GPHN: variants seen among roughly 807,000 people sequenced by gnomAD.
The protein encoded by GPHN is gephyrin.
Under a neutral mutation model 95.5 loss-of-function variants are expected in GPHN, and 17 were observed. That is an observed-to-expected ratio of 0.18 (90% CI 0.12 to 0.27). The LOEUF is 0.27. GPHN is among the 10% of genes least tolerant of loss of function. The probability of loss-of-function intolerance (pLI) is 1.00; values close to 1 mark genes in which losing one functional copy is unlikely to be tolerated. For missense variants in GPHN, 660 were observed against 978.1 expected, an observed-to-expected ratio of 0.67 and a Z score of 4.34; for synonymous variants, 320 against 322.5, an observed-to-expected ratio of 0.99 and a Z score of 0.08.
chr14:66,862,531 A>G (rs2063068123), intron 4 of GPHN, among the ~76,000 whole-genome samples: 1 of 151,988 alleles, frequency 6.6e-6, no homozygotes, highest in South Asian at 2.1e-4. Context: ...GACATGTAAG[A>G]AAGAAAAGAA....
chr14:67,256,990 G>T, the GPHN span, among the ~76,000 whole-genome samples: 1 of 152,158 alleles, frequency 6.6e-6, no homozygotes, highest in African/African-American at 2.4e-5. Flanking sequence ...CTGACGACAG[G>T]TGCCCAAGGT....
intron 3 of GPHN, among the ~76,000 whole-genome samples, chr14:66,808,489 C>G (rs1399717629): frequency 6.6e-6 from 1 of 152,150 alleles, no homozygotes; most frequent in African/African-American, 2.4e-5. Context: ...AACATAAATT[C>G]TGTATCAAAT....
the GPHN span, among the ~76,000 whole-genome samples, chr14:67,518,599 T>C: frequency 6.6e-6 from 1 of 152,340 alleles, no homozygotes; most frequent in Middle Eastern, 3.4e-3. Flanking sequence ...ATCTCTAAAG[T>C]TCCTTGAACA....
intron 1 of GPHN, among the ~76,000 whole-genome samples, chr14:66,649,346 A>C (rs1187389823): frequency 2.0e-5 from 3 of 151,870 alleles, no homozygotes; most frequent in East Asian, 3.9e-4. Context: ...AAAAAAAAAA[A>C]CAAAAACAAG....
chr14:67,329,401 T>A, the GPHN span, among the ~76,000 whole-genome samples: 206 of 152,350 alleles, frequency 1.4e-3, no homozygotes, highest in African/African-American at 4.4e-3. Context: ...GTTTTCTACA[T>A]GTACAATCAT....
intron 1 of GPHN, among the ~76,000 whole-genome samples, chr14:66,533,510 A>G (rs928899674): frequency 1.3e-5 from 2 of 152,232 alleles, no homozygotes; most frequent in South Asian, 2.1e-4. Context: ...CCGTGGGTGC[A>G]CAGAGGAAGG....
At chr14:66,722,502 G>A (rs117679425) in intron 2 of GPHN, among the ~76,000 whole-genome samples, 2,918 of 152,216 alleles carry the variant, frequency 0.019, 47 homozygotes, top group Middle Eastern at 0.061. Flanking sequence ...GGAGTGCAGT[G>A]TAGCTATCAT....
chr14:67,289,887 C>G, the GPHN span, among the ~76,000 whole-genome samples: 11 of 151,554 alleles, frequency 7.3e-5, no homozygotes, highest in Admixed American at 2.0e-4. Flanking sequence ...TCTCCTGCCT[C>G]AGCCTCTCGA....
At chr14:66,566,073 A>G (rs1392450478) in intron 1 of GPHN, among the ~76,000 whole-genome samples, 1 of 151,706 alleles carries the variant, frequency 6.6e-6, no homozygotes, top group Non-Finnish European at 1.5e-5. Flanking sequence ...ATCAAGAGTG[A>G]TGATAATTTT....
At chr14:66,556,732 A>G (rs1010004135) in intron 1 of GPHN, among the ~76,000 whole-genome samples, 2 of 152,016 alleles carry the variant, frequency 1.3e-5, no homozygotes, top group South Asian at 2.1e-4. Context: ...TATTAAATAT[A>G]TATCATTGAA....
At chr14:66,846,111 A>G (rs566043035) in intron 4 of GPHN, among the ~76,000 whole-genome samples, 3 of 152,330 alleles carry the variant, frequency 2.0e-5, no homozygotes, top group South Asian at 4.1e-4. Flanking sequence ...AAGACTTTCA[A>G]TCTGTTAGGT....
At chr14:67,146,542 C>T (rs1183510165) in intron 18 of GPHN, among the ~76,000 whole-genome samples, 1 of 152,120 alleles carries the variant, frequency 6.6e-6, no homozygotes, top group Admixed American at 6.5e-5. Flanking sequence ...CTTTTTTGCT[C>T]ATTTCTAAGT....
At chr14:67,721,259 C>T in the GPHN span, among the ~76,000 whole-genome samples, 9 of 152,104 alleles carry the variant, frequency 5.9e-5, no homozygotes, top group African/African-American at 1.4e-4. Flanking sequence ...GAACACAGAG[C>T]GAGGAAGGGC....
chr14:67,668,007 G>C, the GPHN span, among the ~76,000 whole-genome samples: 1 of 152,146 alleles, frequency 6.6e-6, no homozygotes, highest in African/African-American at 2.4e-5. Context: ...TCTACAGTCT[G>C]TAAGTAATTG....
chr14:66,563,875 C>T (rs1422944972), intron 1 of GPHN, among the ~76,000 whole-genome samples: 1 of 152,054 alleles, frequency 6.6e-6, no homozygotes, highest in Middle Eastern at 3.2e-3. Context: ...GCTTTTCTTG[C>T]TTACTGACAA....
intron 1 of GPHN, among the ~76,000 whole-genome samples, chr14:66,522,841 T>C (rs1221947152): frequency 1.3e-5 from 2 of 152,052 alleles, no homozygotes; most frequent in African/African-American, 2.4e-5. Flanking sequence ...ATATTCTTAT[T>C]TGATTCTGAA....
chr14:66,573,408 T>C (rs922039553), intron 1 of GPHN, among the ~76,000 whole-genome samples: 1 of 152,202 alleles, frequency 6.6e-6, no homozygotes, highest in Non-Finnish European at 1.5e-5. Context: ...ACAATTGTTA[T>C]ATTTTCTTGA....
chr14:67,720,648 G>C, the GPHN span, among the ~76,000 whole-genome samples: 1 of 152,166 alleles, frequency 6.6e-6, no homozygotes, highest in African/African-American at 2.4e-5. Flanking sequence ...TCTATTTCTT[G>C]CCTTTCCATT....
At chr14:66,729,341 C>T (rs72728617) in intron 2 of GPHN, among the ~76,000 whole-genome samples, 8,928 of 152,100 alleles carry the variant, frequency 0.059, 361 homozygotes, top group Middle Eastern at 0.099. Flanking sequence ...ACTTCTAGTC[C>T]AAAGTATTTC....
Sources: allele counts gnomAD v4.1 joint callset (sites outside exome capture counted in the v4.1 genomes callset), GRCh38; gene constraint gnomAD v4.1.1; transcripts MANE v1.5; gene names NCBI Gene and HGNC (gene_info 2026-07-23, HGNC 2026-07-21).